SOX5: variants seen among roughly 807,000 people sequenced by gnomAD.
The protein encoded by SOX5 is SRY-box transcription factor 5, also known as transcription factor SOX-5.
In SOX5, 9 loss-of-function variants were observed where a neutral mutation model predicts 92.0. That is an observed-to-expected ratio of 0.10 (90% confidence interval 0.06 to 0.17). The LOEUF is 0.17. SOX5 is among the 10% of genes least tolerant of loss of function. The probability of loss-of-function intolerance (pLI) is 1.00; values close to 1 mark genes in which losing one functional copy is unlikely to be tolerated. For missense variants in SOX5, 642 were observed against 944.5 expected (o/e 0.68, Z 4.20); for synonymous variants, 344 against 336.3 (o/e 1.02, Z -0.25).
At chr12:24,525,868 A>C (rs1044310391) in intron 1 of SOX5, among the ~76,000 whole-genome samples, 22 of 150,292 alleles carry the variant, frequency 1.5e-4, no homozygotes, top group Non-Finnish European at 3.2e-4. Flanking sequence ...AAAAAAAAAG[A>C]GTAGCCAGTA....
chr12:23,727,877 G>A (rs1368042024), intron 6 of SOX5, among the ~76,000 whole-genome samples: 2 of 152,080 alleles, frequency 1.3e-5, no homozygotes, highest in Non-Finnish European at 2.9e-5. Flanking sequence ...TACTTTCTTA[G>A]CCATGTAGCA....
intron 1 of SOX5, among the ~76,000 whole-genome samples, chr12:24,479,797 C>T (rs779482840): frequency 4.6e-5 from 7 of 151,876 alleles, no homozygotes; most frequent in South Asian, 2.1e-4. Context: ...TCCCAAGTAG[C>T]GGGGACTGCA....
At chr12:23,875,437 A>G (rs760074582) in intron 2 of SOX5, among the ~76,000 whole-genome samples, 18 of 152,190 alleles carry the variant, frequency 1.2e-4, no homozygotes, top group Non-Finnish European at 2.2e-4. Context: ...GTTTTTCCTG[A>G]TTAAAATGTG....
intron 4 of SOX5, among the ~76,000 whole-genome samples, chr12:23,963,297 T>C (rs1295572887): frequency 2.0e-5 from 3 of 152,190 alleles, no homozygotes; most frequent in Non-Finnish European, 4.4e-5. Context: ...GCCTGAGCAT[T>C]AGGCTAGTCA....
intron 3 of SOX5, among the ~76,000 whole-genome samples, chr12:24,233,711 T>C (rs949008829): frequency 7.9e-5 from 12 of 152,302 alleles, no homozygotes; most frequent in African/African-American, 2.2e-4. Flanking sequence ...GTGAATGAAA[T>C]TGTCAACGTT....
At chr12:24,451,710 G>A (rs570061749) in intron 1 of SOX5, among the ~76,000 whole-genome samples, 69 of 152,212 alleles carry the variant, frequency 4.5e-4, no homozygotes, top group Middle Eastern at 6.8e-3. Context: ...GGCTCTAACC[G>A]ATATTAGAGA....
At chr12:24,244,926 G>A (rs1239989081) in intron 3 of SOX5, among the ~76,000 whole-genome samples, 1 of 152,032 alleles carries the variant, frequency 6.6e-6, no homozygotes, top group Non-Finnish European at 1.5e-5. Flanking sequence ...CCTGACTTCA[G>A]GTGATTCAAC....
intron 2 of SOX5, among the ~76,000 whole-genome samples, chr12:23,891,959 C>T (rs2097133670): frequency 6.6e-6 from 1 of 152,030 alleles, no homozygotes; most frequent in South Asian, 2.1e-4. Context: ...CTGTCCTTCA[C>T]TACTCTGCCT....
At position 24,379,452 on chromosome 12, in the gene SOX5, A is replaced by G. The variant is rs546266434; in HGVS notation, c.-250-10813T>C. On this transcript the variant is annotated intron_variant, in intron 1 of 4. Transcript: ENST00000446891. ...ATCCCCTAGCAATTGAGATTATATA[A>G]TATGGCTGATTTGTCCAGAACAGGC... 2.6e-5 allele frequency among the ~76,000 whole-genome samples: 4 copies of G among 152,316 alleles called. No homozygotes were observed. The South Asian group carries it at 8.3e-4, about 32-fold the overall frequency.
intron 4 of SOX5, among the ~76,000 whole-genome samples, chr12:24,178,684 C>T: frequency 6.6e-6 from 1 of 152,274 alleles, no homozygotes; most frequent in Non-Finnish European, 1.5e-5. Flanking sequence ...TTGTTTTCCT[C>T]CTAAAAACCT....
intron 2 of SOX5, among the ~76,000 whole-genome samples, chr12:24,322,015 T>A (rs1950248441): frequency 6.6e-6 from 1 of 152,136 alleles, no homozygotes; most frequent in Non-Finnish European, 1.5e-5. Flanking sequence ...GAACAACCTG[T>A]CTTATGGCAT....
chr12:23,616,237 T>C (rs2076537974), intron 8 of SOX5, among the ~76,000 whole-genome samples: 1 of 152,192 alleles, frequency 6.6e-6, no homozygotes, highest in African/African-American at 2.4e-5. Flanking sequence ...ACTGAGACTC[T>C]TGGTCAAACC....
intron 13 of SOX5, among the ~76,000 whole-genome samples, chr12:23,540,355 T>G (rs1388778048): frequency 7.4e-6 from 1 of 135,556 alleles, no homozygotes; most frequent in Non-Finnish European, 1.6e-5. Context: ...ACCCTAAAAC[T>G]TAAAGTATAA....
intron 7 of SOX5, among the ~76,000 whole-genome samples, chr12:23,656,674 A>C (rs2082342512): frequency 6.6e-6 from 1 of 152,076 alleles, no homozygotes; most frequent in South Asian, 2.1e-4. Flanking sequence ...TACAGTACAT[A>C]TCGTAAATAT....
chr12:23,891,872 G>A (rs2097132917), intron 2 of SOX5, among the ~76,000 whole-genome samples: 1 of 152,004 alleles, frequency 6.6e-6, no homozygotes, highest in Admixed American at 6.6e-5. Flanking sequence ...ATGACTTTCT[G>A]CTTTCTGGAT....
At chr12:24,366,470 C>T (rs1393744173) in intron 2 of SOX5, among the ~76,000 whole-genome samples, 4 of 152,144 alleles carry the variant, frequency 2.6e-5, no homozygotes, top group Non-Finnish European at 5.9e-5. Context: ...AGCAATGCCC[C>T]GCCACCATCT....
At chr12:24,442,760 G>A (rs536000056) in intron 1 of SOX5, among the ~76,000 whole-genome samples, 2 of 152,028 alleles carry the variant, frequency 1.3e-5, no homozygotes, top group Non-Finnish European at 2.9e-5. Flanking sequence ...AAGAGATAGG[G>A]CAGTTCATAA....
At chr12:23,761,191 A>G (rs1234981352) in intron 3 of SOX5, among the ~76,000 whole-genome samples, 3 of 152,186 alleles carry the variant, frequency 2.0e-5, no homozygotes, top group Non-Finnish European at 4.4e-5. Context: ...AATAAGAATT[A>G]TAGAGCTGAA....
At chr12:24,171,052 G>A (rs969894027) in intron 4 of SOX5, among the ~76,000 whole-genome samples, 6 of 151,796 alleles carry the variant, frequency 4.0e-5, no homozygotes, top group African/African-American at 1.5e-4. Context: ...AGTTAAACTA[G>A]GTGCTGTAGC....
Sources: allele counts gnomAD v4.1 joint callset (sites outside exome capture counted in the v4.1 genomes callset), GRCh38; gene constraint gnomAD v4.1.1; transcripts MANE v1.5; gene names NCBI Gene and HGNC (gene_info 2026-07-23, HGNC 2026-07-21).